The following INPP5F variants were observed in gnomAD, a reference collection of about 807,000 sequenced individuals.
INPP5F encodes inositol polyphosphate-5-phosphatase F.
INPP5F carries 97 observed loss-of-function variants against 137.2 expected under a neutral mutation model. The observed-to-expected ratio is 0.71, with a 90% CI of 0.60 to 0.84. The LOEUF (loss-of-function observed/expected upper bound fraction) is 0.84, where lower values mean the gene tolerates loss of function less well. Ranked by LOEUF, INPP5F falls within the 40% of genes least tolerant of loss-of-function variation. INPP5F has a pLI of 0.00. For missense variants in INPP5F, 1,271 were observed against 1,371.9 expected (o/e 0.93, Z 1.16); for synonymous variants, 504 against 476.9 (o/e 1.06, Z -0.74).
At chr10:119,811,576 C>CT (rs575900265) in intron 14 of INPP5F, among the ~76,000 whole-genome samples, 181 bp from the exon 15 acceptor site, 39 of 152,158 alleles carry the variant, frequency 2.6e-4, no homozygotes, top group South Asian at 4.1e-4. Context: ...GTTTTTTCTT[C>CT]TTTTATTGCT....
chr10:119,794,986 G>A (rs1414928863), intron 6 of INPP5F, among the ~76,000 whole-genome samples: 7 of 128,596 alleles, frequency 5.4e-5, no homozygotes, highest in African/African-American at 2.1e-4. Context: ...GGGCAGAGGC[G>A]CCCCTCACTT....
intron 7 of INPP5F, 98 bp downstream of exon 7, chr10:119,797,011 A>G (rs1850408595): frequency 1.6e-6 from 2 of 1,214,716 alleles, no homozygotes; most frequent in East Asian, 2.5e-5. Flanking sequence ...GGATTTGGGA[A>G]CACAGTTGGC....
rs1477966953 is a variant in INPP5F, at chr10:119,751,063, T to C, written c.98-13T>C. On this transcript the variant is annotated splice_polypyrimidine_tract_variant and intron_variant, in intron 1 of 19. Transcript: ENST00000650623. ...TGAATGTTTTCTCATCACTGCTTCC[T>C]ATTTTATTTTAGCTACTGATCTACT... is the stretch of plus-strand genomic sequence containing the variant. 3 of 1,537,812 alleles carry C rather than the reference T, an allele frequency of 2.0e-6. No homozygotes were observed. The Admixed American group carries it at 5.0e-5, about 26-fold the overall frequency.
chr10:119,811,375 C>T (rs1851022465), intron 14 of INPP5F, among the ~76,000 whole-genome samples: 1 of 152,084 alleles, frequency 6.6e-6, no homozygotes, highest in South Asian at 2.1e-4. Context: ...CGCCGCATGC[C>T]CCACCAAGAG....
At chr10:119,742,105 A>G (rs913617916) in intron 1 of INPP5F, among the ~76,000 whole-genome samples, 1 of 151,980 alleles carries the variant, frequency 6.6e-6, no homozygotes, top group African/African-American at 2.4e-5. Context: ...TTACAGGCAT[A>G]GAGCCACTGC....
In INPP5F at chr10:119,795,523, G is replaced by A. The variant is rs1385729317; in HGVS notation, c.670-1192G>A. Among the ~76,000 whole-genome samples, 47 of 151,480 alleles carry A rather than the reference G, an allele frequency of 3.1e-4. 2 individuals are homozygous for A. The highest frequency in any genetic ancestry group is 2.0e-4 in the Admixed American group (3 of 15,252). On this transcript the variant is annotated intron_variant, in intron 6 of 19. Transcript: ENST00000650623. The stretch of plus-strand genomic sequence containing the variant: ...CTCCTCACTTCCCAGATGTGATGGC[G>A]GCTGGGAAGAGGCGCTCCTCACTTC...
chr10:119,781,635 A>G lies in INPP5F; in HGVS notation c.179A>G (p.Asp60Gly), dbSNP rs199800309. The G allele has an allele frequency of 1.1e-5, 18 of 1,604,706 alleles. No individual in the cohort carries two copies. Among genetic ancestry groups the G allele is most frequent in the Non-Finnish European group, 1.5e-5 (18 of 1,174,192 alleles). ...GVIGKIQLHS[D>G]LPWWLILIRQ... ...CTTTATTATGACTCTCCTCTTTCAGATCTTCCATGGTGGCTTATTCTAATT... is the reference window on the plus strand; with the variant it reads ...CTTTATTATGACTCTCCTCTTTCAGGTCTTCCATGGTGGCTTATTCTAATT... Residue 60 changes from aspartate to glycine, a missense_variant and splice_region_variant, in exon 3 of 20, where the codon GAT (aspartate) becomes GGT (glycine). This residue lies in a region of INPP5F where 109 missense variants were observed against 105.1 expected (regional missense o/e 1.04). Coordinates refer to ENST00000650623, the MANE Select transcript of INPP5F (RefSeq NM_014937.4).
chr10:119,750,742 T>TAAC (rs1223171539), intron 1 of INPP5F, among the ~76,000 whole-genome samples: 1 of 152,218 alleles, frequency 6.6e-6, no homozygotes, highest in Non-Finnish European at 1.5e-5. Flanking sequence ...TCCTGTGCTG[T>TAAC]AGGACCACAC....
intron 15 of INPP5F, among the ~76,000 whole-genome samples, chr10:119,820,222 A>G (rs1450316559): frequency 2.0e-5 from 3 of 152,208 alleles, no homozygotes; most frequent in African/African-American, 7.2e-5. Context: ...CACTACCTGG[A>G]TTCTAATTCT....
intron 2 of INPP5F, among the ~76,000 whole-genome samples, chr10:119,772,807 A>G (rs1333143844): frequency 6.6e-6 from 1 of 150,968 alleles, no homozygotes; most frequent in Non-Finnish European, 1.5e-5. Context: ...GCAGTGGCGC[A>G]ATCTTGGCTC....
At chr10:119,771,587 C>T (rs555610958) in intron 2 of INPP5F, among the ~76,000 whole-genome samples, 27 of 151,918 alleles carry the variant, frequency 1.8e-4, no homozygotes, top group Non-Finnish European at 3.4e-4. Context: ...CATTTACAAA[C>T]AAATACAATT....
At chr10:119,761,256 C>A (rs1299342614) in intron 2 of INPP5F, among the ~76,000 whole-genome samples, 1 of 152,190 alleles carries the variant, frequency 6.6e-6, no homozygotes, top group Non-Finnish European at 1.5e-5. Context: ...GATGCTCTCC[C>A]TATGAGTCAT....
At chr10:119,815,708 T>C in intron 15 of INPP5F, 1 of 254,328 alleles carries the variant, frequency 3.9e-6, no homozygotes, top group African/African-American at 2.2e-5. Context: ...GGGAATGACG[T>C]GTTAATTGTC....
intron 1 of INPP5F, 54 bp from the exon 2 acceptor site, chr10:119,751,022 T>C (rs1160890508): frequency 8.9e-7 from 1 of 1,124,192 alleles, no homozygotes; most frequent in African/African-American, 1.5e-5. Flanking sequence ...AGATACTGTT[T>C]TAATATATTT....
intron 15 of INPP5F, chr10:119,819,108 A>G (rs1174618256): frequency 1.3e-4 from 20 of 154,994 alleles, no homozygotes; most frequent in Non-Finnish European, 2.9e-4. Flanking sequence ...GGCTTGCCCC[A>G]GTGGCGGGAA....
intron 2 of INPP5F, among the ~76,000 whole-genome samples, chr10:119,775,776 A>G (rs1287770455): frequency 6.6e-6 from 1 of 152,116 alleles, no homozygotes; most frequent in Non-Finnish European, 1.5e-5. Context: ...ACTTTTATGT[A>G]TGTTTGAAGA....
At chr10:119,738,670 C>T (rs1427459296) in intron 1 of INPP5F, among the ~76,000 whole-genome samples, 1 of 128,420 alleles carries the variant, frequency 7.8e-6, no homozygotes, top group Non-Finnish European at 1.7e-5. Flanking sequence ...CACACACACA[C>T]ACACACATTT....
intron 1 of INPP5F, among the ~76,000 whole-genome samples, chr10:119,739,512 A>G (rs1171896921): frequency 6.6e-6 from 1 of 152,256 alleles, no homozygotes; most frequent in Non-Finnish European, 1.5e-5. Flanking sequence ...ATTTTGTTCA[A>G]TAACTATTGA....
At position 119,810,109 on chromosome 10, in the gene INPP5F, A is replaced by T; in HGVS notation, c.1579A>T (p.Thr527Ser). ...AGTAALKGDFTRTGERKLAGV... is the reference protein window; with the variant it reads ...AGTAALKGDFSRTGERKLAGV... ...AGTTTTTGTTTGACAGGGTGACTTT[A>T]CAAGGACAGGAGAAAGGAAGTTAGC... is the stretch of plus-strand genomic sequence containing the variant. The change falls in exon 14 of 20, where the codon ACA becomes TCA. Residue 527 changes from threonine to serine, a missense_variant. This residue lies in a region of INPP5F where 593 missense variants were observed against 712.4 expected (regional missense o/e 0.83). Transcript: ENST00000650623. The T allele has an allele frequency of 6.2e-7, 1 of 1,606,496 alleles. No homozygotes were observed. The highest frequency in any genetic ancestry group is 8.5e-7 in the Non-Finnish European group (1 of 1,173,744).
Sources: gnomAD v4.1 joint callset for allele counts (sites outside exome capture counted in the v4.1 genomes callset) on GRCh38, gnomAD v4.1.1 for gene constraint, gnomAD v4.1.1 regional missense constraint, MANE v1.5 for transcripts, NCBI Gene and HGNC (gene_info 2026-07-23, HGNC 2026-07-21) for gene names.